The following MAN1A2 variants were observed in gnomAD, a reference collection of about 807,000 sequenced individuals.
The protein encoded by MAN1A2 is mannosyl-oligosaccharide 1,2-alpha-mannosidase IB.
Under a neutral mutation model 75.7 loss-of-function variants are expected in MAN1A2, and 26 were observed. That is an observed-to-expected ratio of 0.34 (90% confidence interval 0.25 to 0.48). MAN1A2 has a LOEUF of 0.48. Among genes scored for constraint, MAN1A2 ranks in the 20% least tolerant of loss-of-function variants. The probability of loss-of-function intolerance (pLI) is 0.99; values close to 1 mark genes in which losing one functional copy is unlikely to be tolerated. For synonymous variants in MAN1A2, 247 were observed against 264.6 expected, an observed-to-expected ratio of 0.93 and a Z score of 0.65; for missense variants, 562 against 775.5, an observed-to-expected ratio of 0.72 and a Z score of 3.27.
intron 12 of MAN1A2, among the ~76,000 whole-genome samples, chr1:117,504,220 T>C (rs966791920): frequency 6.6e-6 from 1 of 151,324 alleles, no homozygotes; most frequent in Admixed American, 6.6e-5. Flanking sequence ...TAGCTACATC[T>C]AGCTGAATGA....
chr1:117,394,522 T>G (rs976514971), intron 1 of MAN1A2, among the ~76,000 whole-genome samples: 6 of 152,206 alleles, frequency 3.9e-5, no homozygotes, highest in African/African-American at 1.4e-4. Flanking sequence ...TTTGCTGTAG[T>G]TTTTGGAGAT....
At chr1:117,461,436 TAGTG>T (rs1414919649) in intron 7 of MAN1A2, among the ~76,000 whole-genome samples, 1 of 152,098 alleles carries the variant, frequency 6.6e-6, no homozygotes, top group Non-Finnish European at 1.5e-5. Flanking sequence ...AGGGGTTGGT[TAGTG>T]GGTACAAAAG....
chr1:117,428,648 A>ATT (rs1648462850), intron 5 of MAN1A2, among the ~76,000 whole-genome samples: 1 of 152,182 alleles, frequency 6.6e-6, no homozygotes, highest in South Asian at 2.1e-4. Context: ...CACTTAATAG[A>ATT]GAGGTTGAAA....
At chr1:117,400,967 T>C (rs1448958548) in intron 1 of MAN1A2, among the ~76,000 whole-genome samples, 2 of 152,140 alleles carry the variant, frequency 1.3e-5, no homozygotes, top group African/African-American at 4.8e-5. Context: ...CCAGAACTCT[T>C]TTCATCTTGC....
intron 9 of MAN1A2, 110 bp from the exon 10 acceptor site, chr1:117,496,653 A>G (rs1651043786): frequency 1.1e-5 from 8 of 751,748 alleles, no homozygotes; most frequent in South Asian, 6.9e-5. Context: ...GAAAGTTACT[A>G]CTTTATAGAC....
Position 117,481,872 on chromosome 1 carries a change from A to G in MAN1A2, c.1169-11275A>G, listed in dbSNP as rs368091766. On this transcript the variant is annotated intron_variant, in intron 8 of 12. Coordinates refer to ENST00000356554, the MANE Select transcript of MAN1A2 (RefSeq NM_006699.5). ...GTTTCAAAGGATGGAAATTTGTTTC[A>G]TGTTCTTTACACAGCTTCTTAAATG... 1.4e-4 allele frequency among the ~76,000 whole-genome samples: 21 copies of G among 152,058 alleles called. No homozygotes were observed. In the South Asian group the frequency reaches 3.7e-3, roughly 27 times the overall value.
chr1:117,470,859 G>C lies in MAN1A2; in HGVS notation c.1168+4432G>C, dbSNP rs17037321. On this transcript the variant is annotated intron_variant, in intron 8 of 12. Coordinates refer to ENST00000356554, the MANE Select transcript of MAN1A2 (RefSeq NM_006699.5). ...AATTGAACTGAAATTTAACAATTCAGCTTTGGCTAACTGTATTATAATTAG... is the reference window on the plus strand; with the variant it reads ...AATTGAACTGAAATTTAACAATTCACCTTTGGCTAACTGTATTATAATTAG... Among the ~76,000 whole-genome samples the C allele has an allele frequency of 7.4e-3, 1,119 of 152,020 alleles. 18 individuals carry two copies. The highest frequency in any genetic ancestry group is 0.026 in the African/African-American group (1,071 of 41,520).
At chr1:117,385,870 A>G (rs1653508666) in intron 1 of MAN1A2, among the ~76,000 whole-genome samples, 1 of 152,328 alleles carries the variant, frequency 6.6e-6, no homozygotes, top group East Asian at 1.9e-4. Flanking sequence ...AGCCAGATAC[A>G]CAGAACCACT....
At chr1:117,464,542 A>G (rs931010943) in intron 7 of MAN1A2, among the ~76,000 whole-genome samples, 3 of 152,152 alleles carry the variant, frequency 2.0e-5, no homozygotes, top group Admixed American at 6.6e-5. Context: ...CCAGTAGAGC[A>G]CAATTCTCTA....
chr1:117,498,707 G>C (rs1651107323), intron 10 of MAN1A2, among the ~76,000 whole-genome samples: 1 of 151,740 alleles, frequency 6.6e-6, no homozygotes, highest in African/African-American at 2.4e-5. Context: ...CAAGTCTTCT[G>C]TTGTTTTTAC....
At chr1:117,479,052 G>A (rs1650407416) in intron 8 of MAN1A2, among the ~76,000 whole-genome samples, 1 of 151,628 alleles carries the variant, frequency 6.6e-6, no homozygotes, top group African/African-American at 2.4e-5. Flanking sequence ...GCATCCATGA[G>A]GTATTCTTCC....
At chr1:117,427,182 C>A (rs1199757911) in intron 5 of MAN1A2, among the ~76,000 whole-genome samples, 1 of 151,494 alleles carries the variant, frequency 6.6e-6, no homozygotes. Flanking sequence ...AAAAGTCAAT[C>A]AATGGTGACC....
At chr1:117,390,753 T>G (rs1653689304) in intron 1 of MAN1A2, among the ~76,000 whole-genome samples, 1 of 152,054 alleles carries the variant, frequency 6.6e-6, no homozygotes. Flanking sequence ...GTTAATGCTA[T>G]AATTCTCTCT....
chr1:117,484,318 C>T (rs940075132), intron 8 of MAN1A2, among the ~76,000 whole-genome samples: 1 of 151,880 alleles, frequency 6.6e-6, no homozygotes, highest in Admixed American at 6.6e-5. Context: ...TAGTCTGTGT[C>T]AAATGGTGGC....
intron 8 of MAN1A2, among the ~76,000 whole-genome samples, chr1:117,484,317 T>C (rs1416334589): frequency 6.6e-6 from 1 of 151,970 alleles, no homozygotes; most frequent in East Asian, 1.9e-4. Flanking sequence ...ATAGTCTGTG[T>C]CAAATGGTGG....
At chr1:117,387,227 A>AAAAC (rs1553230074) in intron 1 of MAN1A2, among the ~76,000 whole-genome samples, 3 of 151,916 alleles carry the variant, frequency 2.0e-5, no homozygotes, top group African/African-American at 7.3e-5. Flanking sequence ...AAAAAAAAAA[A>AAAAC]AAAAAAAACA....
intron 1 of MAN1A2, among the ~76,000 whole-genome samples, chr1:117,385,038 C>T (rs894434976): frequency 4.6e-5 from 7 of 152,134 alleles, no homozygotes; most frequent in Non-Finnish European, 8.8e-5. Context: ...TGAATTTTAG[C>T]GTATGAACTT....
intron 2 of MAN1A2, among the ~76,000 whole-genome samples, chr1:117,404,471 C>T (rs906268135): frequency 6.6e-6 from 1 of 152,116 alleles, no homozygotes; most frequent in East Asian, 1.9e-4. Context: ...TCAAGTTTGG[C>T]TGAATCCAAG....
intron 1 of MAN1A2, among the ~76,000 whole-genome samples, chr1:117,376,969 A>G (rs1192480449): frequency 6.6e-6 from 1 of 152,242 alleles, no homozygotes; most frequent in Non-Finnish European, 1.5e-5. Context: ...AGTATTTTAT[A>G]TAAGAGACTT....
Sources: gnomAD v4.1 joint callset for allele counts (sites outside exome capture counted in the v4.1 genomes callset) on GRCh38, gnomAD v4.1.1 for gene constraint, MANE v1.5 for transcripts, NCBI Gene and HGNC (gene_info 2026-07-23, HGNC 2026-07-21) for gene names.